The following ANKRD54 variants were observed in gnomAD, a reference collection of about 807,000 sequenced individuals.
ANKRD54 encodes ankyrin repeat domain 54.
ANKRD54 carries 26 observed loss-of-function variants against 36.2 expected under a neutral mutation model. The ratio of observed to expected loss-of-function variants is 0.72; its 90% CI spans 0.53 to 1.00. The LOEUF (loss-of-function observed/expected upper bound fraction) is 1.00. Ranked by LOEUF, ANKRD54 falls within the 50% of genes least tolerant of loss-of-function variation. The pLI is 0.00. For synonymous variants in ANKRD54, 209 were observed against 188.4 expected, an observed-to-expected ratio of 1.11 and a Z score of -0.89; for missense variants, 384 against 424.3, an observed-to-expected ratio of 0.91 and a Z score of 0.83.
chr22:37,840,176 T>C lies in ANKRD54; in HGVS notation c.376+11A>G, dbSNP rs754670945. 11 of 1,613,976 alleles carry C rather than the reference T, an allele frequency of 6.8e-6. No individual in the cohort carries two copies. The highest frequency in any genetic ancestry group is 1.3e-5 in the African/African-American group (1 of 74,944). ...TGGGACCCTGTAGCTGGACCTACTG[T>C]GCACACTCACCTGTTTCCACATCAT... On this transcript the variant is annotated intron_variant, in intron 2 of 7. Coordinates refer to ENST00000215941, the MANE Select transcript of ANKRD54 (RefSeq NM_138797.4).
chr22:37,848,584 C>T (rs952147695), upstream of ANKRD54: 2 of 151,792 alleles, frequency 1.3e-5, no homozygotes, highest in Non-Finnish European at 2.9e-5. Flanking sequence ...TTAATAGAGA[C>T]GGGGTTTCGC....
Position 37,843,992 on chromosome 22 carries a change from GCAGCTCGTCGCGCGGCTCCGCATC to G in ANKRD54, c.223_246del (p.Asp75_Leu82del). On this transcript the variant is annotated inframe_deletion, in exon 1 of 8. Coordinates refer to ENST00000215941, the MANE Select transcript of ANKRD54 (RefSeq NM_138797.4). ...AGCCGGCCAGCGGGTATCTTGCAGC[GCAGCTCGTCGCGCGGCTCCGCATC>G]CTGCTGCCACAGGACGTGCAAGTAG... is the stretch of plus-strand genomic sequence containing the variant. 7.0e-7 allele frequency: 1 copy of G among 1,423,340 alleles called. No homozygotes were observed. Among genetic ancestry groups the G allele is most frequent in the Non-Finnish European group, 9.1e-7 (1 of 1,093,070 alleles). The allele number at this position is 1,423,340 out of a possible 1,614,324, so 88.2% of individuals were successfully genotyped here. A position where few individuals can be genotyped will look rare whatever the true frequency, so the allele number is the denominator to read the frequency against.
chr22:37,831,595 G>T lies in ANKRD54; in HGVS notation c.*348C>A, dbSNP rs1922885204. ...ATGGCCAGGACGGAACACAGAGAAG[G>T]GTCTGAGGCCTGGAGCGCGCCATGA... is the stretch of plus-strand genomic sequence containing the variant. On this transcript the variant is annotated 3_prime_UTR_variant, in exon 8 of 8. Transcript: ENST00000215941. 1 of 288,488 alleles carries T rather than the reference G, an allele frequency of 3.5e-6. No individual in the cohort carries two copies. The highest frequency in any genetic ancestry group is 6.7e-6 in the Non-Finnish European group (1 of 148,538). The allele number at this position is 288,488 out of a possible 1,614,324, so 17.9% of individuals were successfully genotyped here. A position where few individuals can be genotyped will look rare whatever the true frequency, so the allele number is the denominator to read the frequency against.
intron 1 of ANKRD54, among the ~76,000 whole-genome samples, chr22:37,841,014 G>A (rs551632981): frequency 1.3e-5 from 2 of 151,924 alleles, no homozygotes; most frequent in East Asian, 1.9e-4. Context: ...GCCGGAAGGC[G>A]GAGGCTACAG....
In ANKRD54 at chr22:37,844,012, G is replaced by A; in HGVS notation, c.227C>T (p.Ala76Val). Residue 76 changes from alanine (A) to valine (V), a missense_variant, in exon 1 of 8, where the codon GCG becomes GTG. Coordinates refer to ENST00000215941, the MANE Select transcript of ANKRD54 (RefSeq NM_138797.4). ...RYLHVLWQQD[A>V]EPRDELRCKI... ...GCAGCGCAGCTCGTCGCGCGGCTCCGCATCCTGCTGCCACAGGACGTGCAA... is the reference window on the plus strand; with the variant it reads ...GCAGCGCAGCTCGTCGCGCGGCTCCACATCCTGCTGCCACAGGACGTGCAA... 7.0e-7 allele frequency: 1 copy of A among 1,430,254 alleles called. No individual in the cohort carries two copies. Among genetic ancestry groups the A allele is most frequent in the Non-Finnish European group, 9.1e-7 (1 of 1,096,816 alleles). The allele number at this position is 1,430,254 out of a possible 1,614,324, so 88.6% of individuals were successfully genotyped here.
In ANKRD54 at chr22:37,832,652, G is replaced by T; in HGVS notation, c.813C>A (p.Thr271=). 1.2e-6 allele frequency: 2 copies of T among 1,614,076 alleles called. No individual in the cohort carries two copies. The highest frequency in any genetic ancestry group is 1.7e-6 in the Non-Finnish European group (2 of 1,180,024). Residue 271 remains threonine, a synonymous_variant, in exon 7 of 8, where the codon ACC becomes ACA. Transcript: ENST00000215941. ...LDDLCTRLQM[T]STKEQVDEVT... ...TGCAGCTCACCTGCTCTTTGGTACTGGTCATCTGCAGGCGGGTGCAGAGGT... is the reference window on the plus strand; with the variant it reads ...TGCAGCTCACCTGCTCTTTGGTACTTGTCATCTGCAGGCGGGTGCAGAGGT...
Position 37,831,853 on chromosome 22 carries a change from T to A in ANKRD54, c.*90A>T. On this transcript the variant is annotated 3_prime_UTR_variant, in exon 8 of 8. Coordinates refer to ENST00000215941, the MANE Select transcript of ANKRD54 (RefSeq NM_138797.4). ...AAGGTCCTCACCAGACAAGTGCAGC[T>A]CCAAGTCCCAGATGTTGGGCTTTTT... 7.2e-7 allele frequency: 1 copy of A among 1,392,830 alleles called. No homozygotes were observed. Among genetic ancestry groups the A allele is most frequent in the Non-Finnish European group, 9.9e-7 (1 of 1,007,026 alleles). 86.3% of individuals were successfully genotyped at this position (1,392,830 alleles called of 1,614,324 possible).
upstream of ANKRD54, among the ~76,000 whole-genome samples, chr22:37,847,248 C>T (rs1569106651): frequency 6.6e-6 from 1 of 151,712 alleles, no homozygotes; most frequent in African/African-American, 2.4e-5. Flanking sequence ...CCACAACCTC[C>T]GCCTCCTAGG....
rs1236700195 is a variant in ANKRD54 at position 37,840,014 on chromosome 22, T to C, written c.376+173A>G. 5.3e-5 allele frequency among the ~76,000 whole-genome samples: 8 copies of C among 152,196 alleles called. No homozygotes were observed. In the East Asian group the frequency reaches 1.3e-3, roughly 26 times the overall value. The stretch of plus-strand genomic sequence containing the variant: ...CAGGGGAGCATGGGGAGAGTGAGTG[T>C]CTAAGCCAGACTTACCTTCAGCAAG... On this transcript the variant is annotated intron_variant, in intron 2 of 7. Transcript: ENST00000215941.
intron 2 of ANKRD54, among the ~76,000 whole-genome samples, chr22:37,839,378 AT>A (rs922373352): frequency 2.0e-5 from 3 of 151,708 alleles, no homozygotes; most frequent in African/African-American, 2.4e-5. Context: ...TTTTTAAAAA[AT>A]TTTTTTCTTA....
upstream of ANKRD54, among the ~76,000 whole-genome samples, chr22:37,847,969 GTGCCAC>G (rs1924936655): frequency 6.6e-6 from 1 of 152,124 alleles, no homozygotes; most frequent in Admixed American, 6.5e-5. Context: ...GGGAGTGGGG[GTGCCAC>G]TGCATTCGAT....
chr22:37,849,337 G>A (rs1235915717), upstream of ANKRD54: 3 of 1,405,618 alleles, frequency 2.1e-6, no homozygotes, highest in Non-Finnish European at 1.0e-6. Context: ...AGAGGCCTCG[G>A]AAAGGCTTCC....
upstream of ANKRD54, among the ~76,000 whole-genome samples, chr22:37,845,524 CTT>C (rs1018142023): frequency 2.0e-5 from 3 of 152,218 alleles, no homozygotes; most frequent in African/African-American, 7.2e-5. Context: ...CGGACCAGGT[CTT>C]GTGTCCTGGC....
intron 3 of ANKRD54, among the ~76,000 whole-genome samples, chr22:37,835,816 A>G (rs545033152): frequency 1.4e-4 from 21 of 152,220 alleles, no homozygotes; most frequent in African/African-American, 4.8e-4. Flanking sequence ...AAAAAAAGAA[A>G]AAGACAGAAA....
upstream of ANKRD54, chr22:37,848,754 T>C (rs1924982457): frequency 6.6e-6 from 1 of 152,136 alleles, no homozygotes; most frequent in Non-Finnish European, 1.5e-5. Context: ...GTTTGAATAA[T>C]TTACTCGCTG....
Position 37,833,059 on chromosome 22 carries a change from G to T in ANKRD54, c.619C>A (p.Arg207=), listed in dbSNP as rs764668895. The T allele has an allele frequency of 6.2e-7, 1 of 1,614,042 alleles. No homozygotes were observed. Among genetic ancestry groups the T allele is most frequent in the Non-Finnish European group, 8.5e-7 (1 of 1,180,002 alleles). Residue 207 remains arginine, a synonymous_variant, in exon 6 of 8, where the codon CGA becomes AGA. Transcript: ENST00000215941. ...RGGARVDALD[R]AGRTPLHLAK... ...AGGTGCAGGGGTGTGCGACCAGCTCGGTCCAGGGCATCTACACGGGCCCCT... is the reference window on the plus strand; with the variant it reads ...AGGTGCAGGGGTGTGCGACCAGCTCTGTCCAGGGCATCTACACGGGCCCCT...
chr22:37,841,847 C>CT, intron 1 of ANKRD54, among the ~76,000 whole-genome samples: 1 of 136,324 alleles, frequency 7.3e-6, no homozygotes, highest in East Asian at 2.0e-4. Context: ...GACTCTGTCT[C>CT]AAAATAAATA....
At chr22:37,835,624 A>G (rs1923423612) in intron 3 of ANKRD54, among the ~76,000 whole-genome samples, 1 of 152,050 alleles carries the variant, frequency 6.6e-6, no homozygotes, top group African/African-American at 2.4e-5. Context: ...TGGGTAACAT[A>G]GCAGGACCAC....
At chr22:37,843,843 T>C in intron 1 of ANKRD54, 68 bp downstream of exon 1, 1 of 1,124,562 alleles carries the variant, frequency 8.9e-7, no homozygotes, top group Non-Finnish European at 1.1e-6. Flanking sequence ...CGGCCACTGG[T>C]CCTCTGAGGC....
Sources: gnomAD v4.1 joint callset for allele counts (sites outside exome capture counted in the v4.1 genomes callset) on GRCh38, gnomAD v4.1.1 for gene constraint, MANE v1.5 for transcripts, NCBI Gene and HGNC (gene_info 2026-07-23, HGNC 2026-07-21) for gene names.